Variants in LRP1B observed in about 807,000 individuals in gnomAD.
The protein encoded by LRP1B is low-density lipoprotein receptor-related protein 1B.
In LRP1B, 217 loss-of-function variants were observed where a neutral mutation model predicts 556.6. The observed-to-expected ratio is 0.39, with a 90% CI of 0.35 to 0.44. The LOEUF is 0.44. Among genes scored for constraint, LRP1B ranks in the 20% least tolerant of loss-of-function variants. The pLI is 1.00. For missense variants in LRP1B, 5,053 were observed against 5,620.8 expected, an observed-to-expected ratio of 0.90 and a Z score of 3.23; for synonymous variants, 2,047 against 1,865.8, an observed-to-expected ratio of 1.10 and a Z score of -2.50.
In LRP1B at chr2:141,235,056, A is replaced by G. The variant is rs190103067; in HGVS notation, c.593-5616T>C. On this transcript the variant is annotated intron_variant, in intron 5 of 90. Coordinates refer to ENST00000389484, the MANE Select transcript of LRP1B (RefSeq NM_018557.3). ...TCAGAATAATGACATACTGTCATATATCAGAAGAAACTGTTCTATCACATT... is the reference window on the plus strand; with the variant it reads ...TCAGAATAATGACATACTGTCATATGTCAGAAGAAACTGTTCTATCACATT... 1.2e-3 allele frequency among the ~76,000 whole-genome samples: 187 copies of G among 152,252 alleles called. 2 individuals carry two copies. The East Asian group carries it at 0.03, about 24-fold the overall frequency.
intron 1 of LRP1B, among the ~76,000 whole-genome samples, chr2:141,944,119 G>T (rs1700891164): frequency 6.6e-6 from 1 of 152,106 alleles, no homozygotes; most frequent in African/African-American, 2.4e-5. Flanking sequence ...TCTCATTAAT[G>T]GCACTGAAAG....
intron 3 of LRP1B, among the ~76,000 whole-genome samples, chr2:141,359,504 TC>T (rs1242916704): frequency 1.4e-4 from 22 of 152,290 alleles, no homozygotes; most frequent in African/African-American, 5.3e-4. Flanking sequence ...ACATCTGTAA[TC>T]CCAGCACTTT....
intron 35 of LRP1B, among the ~76,000 whole-genome samples, chr2:140,747,820 T>C (rs2218241): frequency 0.31 from 46,342 of 151,624 alleles, 7,160 homozygotes; most frequent in South Asian, 0.4. Context: ...GGAGAACTGA[T>C]AGAAAATGAG....
At position 141,138,948 on chromosome 2, in the gene LRP1B, C is replaced by T. The variant is rs543676262; in HGVS notation, c.1013+49473G>A. Among the ~76,000 whole-genome samples the T allele has an allele frequency of 1.1e-4, 16 of 151,790 alleles. No individual in the cohort carries two copies. In the South Asian group the frequency reaches 3.3e-3, roughly 32 times the overall value. On this transcript the variant is annotated intron_variant, in intron 7 of 90. Transcript: ENST00000389484. ...CAACAAAATTGGATAGATAAGAGTG[C>T]CTAATTTTAAGAATTGAGATAAAGT... is the stretch of plus-strand genomic sequence containing the variant.
chr2:142,058,543 G>GT (rs1248651127), intron 1 of LRP1B, among the ~76,000 whole-genome samples: 9 of 151,970 alleles, frequency 5.9e-5, no homozygotes, highest in East Asian at 5.8e-4. Context: ...ACGTTATGAG[G>GT]TTTTTTTTGC....
chr2:141,982,378 A>C (rs1297213627), intron 1 of LRP1B, among the ~76,000 whole-genome samples: 4 of 152,302 alleles, frequency 2.6e-5, no homozygotes, highest in South Asian at 4.1e-4. Context: ...CACAATACAG[A>C]GCTTGAAGGC....
chr2:140,481,305 G>A lies in LRP1B; in HGVS notation c.9425+4038C>T, dbSNP rs560595960. 8.6e-5 allele frequency among the ~76,000 whole-genome samples: 13 copies of A among 151,972 alleles called. 1 individual carries two copies. The South Asian group carries it at 2.7e-3, about 32-fold the overall frequency. On this transcript the variant is annotated intron_variant, in intron 59 of 90. Coordinates refer to ENST00000389484, the MANE Select transcript of LRP1B (RefSeq NM_018557.3). Reference sequence around the variant, plus strand: ...CATGTTTATGATCCACAATTATTTTGTTACTGGAAACTCTGACATGATGTA... The same window carrying A: ...CATGTTTATGATCCACAATTATTTTATTACTGGAAACTCTGACATGATGTA...
chr2:141,812,084 G>C (rs13403262), intron 1 of LRP1B, among the ~76,000 whole-genome samples: 4 of 152,054 alleles, frequency 2.6e-5, no homozygotes, highest in Non-Finnish European at 5.9e-5. Flanking sequence ...ATGGCATTCA[G>C]GTTATAAGAC....
intron 25 of LRP1B, among the ~76,000 whole-genome samples, chr2:140,874,274 T>A (rs1162162076): frequency 6.6e-6 from 1 of 152,146 alleles, no homozygotes; most frequent in Non-Finnish European, 1.5e-5. Flanking sequence ...CTTAGTAAAT[T>A]GTAACAGATT....
chr2:140,727,243 C>A (rs1031826544), intron 35 of LRP1B, among the ~76,000 whole-genome samples: 1 of 152,230 alleles, frequency 6.6e-6, no homozygotes. Flanking sequence ...ACGTTCTGAC[C>A]ATTTTCACAA....
chr2:141,721,426 T>C (rs757915878), intron 2 of LRP1B, among the ~76,000 whole-genome samples: 67 of 152,138 alleles, frequency 4.4e-4, no homozygotes, highest in South Asian at 1.0e-3. Context: ...GTCAAGCAGA[T>C]TGTAAAAAGC....
At chr2:141,520,767 C>T (rs1684498443) in intron 2 of LRP1B, among the ~76,000 whole-genome samples, 1 of 152,086 alleles carries the variant, frequency 6.6e-6, no homozygotes, top group African/African-American at 2.4e-5. Flanking sequence ...TACAATAACA[C>T]ACCTTCAAGA....
At chr2:140,819,088 C>T (rs1427089873) in intron 31 of LRP1B, among the ~76,000 whole-genome samples, 1 of 152,084 alleles carries the variant, frequency 6.6e-6, no homozygotes, top group Non-Finnish European at 1.5e-5. Context: ...GGCAGCCTTG[C>T]CCTTGCTGCT....
intron 7 of LRP1B, among the ~76,000 whole-genome samples, chr2:141,145,922 C>CTTTTTT (rs70991144): frequency 3.0e-5 from 2 of 67,194 alleles, no homozygotes; most frequent in African/African-American, 6.3e-5. Context: ...TTCTTTCTTT[C>CTTTTTT]TTTTTTTTTT....
At chr2:141,065,210 T>G (rs1170868632) in intron 7 of LRP1B, among the ~76,000 whole-genome samples, 1 of 151,944 alleles carries the variant, frequency 6.6e-6, no homozygotes, top group South Asian at 2.1e-4. Flanking sequence ...TTTTATATAC[T>G]CATTGAGCCA....
intron 3 of LRP1B, among the ~76,000 whole-genome samples, chr2:141,303,206 A>T: frequency 6.6e-6 from 1 of 152,128 alleles, no homozygotes; most frequent in East Asian, 1.9e-4. Context: ...TGTTACATGC[A>T]TAGAATGGTT....
chr2:141,230,352 A>C (rs77797401), intron 5 of LRP1B, among the ~76,000 whole-genome samples: 1 of 152,146 alleles, frequency 6.6e-6, no homozygotes, highest in Non-Finnish European at 1.5e-5. Flanking sequence ...GACTGCTACT[A>C]TCCTGCCATG....
chr2:140,285,127 A>G (rs1483013155), intron 84 of LRP1B, among the ~76,000 whole-genome samples: 1 of 150,008 alleles, frequency 6.7e-6, no homozygotes, highest in Admixed American at 6.7e-5. Flanking sequence ...GTGTATATAT[A>G]TGTGTGTGTG....
At chr2:141,945,295 A>C (rs78325924) in intron 1 of LRP1B, among the ~76,000 whole-genome samples, 13,374 of 152,186 alleles carry the variant, frequency 0.088, 748 homozygotes, top group Middle Eastern at 0.15. Flanking sequence ...AATGGACTGT[A>C]GTAGCAGTTT....
Sources: gnomAD v4.1 joint callset for allele counts (sites outside exome capture counted in the v4.1 genomes callset) on GRCh38, gnomAD v4.1.1 for gene constraint, MANE v1.5 for transcripts, NCBI Gene and HGNC (gene_info 2026-07-23, HGNC 2026-07-21) for gene names.